NPAS3: variants seen among roughly 807,000 people sequenced by gnomAD.
NPAS3 encodes the protein neuronal PAS domain protein 3.
Under a neutral mutation model 73.1 loss-of-function variants are expected in NPAS3, and 14 were observed. The observed-to-expected ratio is 0.19, with a 90% CI of 0.13 to 0.30. The LOEUF is 0.30. NPAS3 is among the 10% of genes least tolerant of loss of function. The pLI is 1.00. For synonymous variants in NPAS3, 620 were observed against 541.5 expected (o/e 1.14, Z -2.01); for missense variants, 1,096 against 1,250.0 (o/e 0.88, Z 1.86).
intron 5 of NPAS3, among the ~76,000 whole-genome samples, chr14:33,570,532 G>A (rs528501624): frequency 4.6e-5 from 7 of 152,212 alleles, no homozygotes; most frequent in African/African-American, 1.2e-4. Flanking sequence ...TAATTTTTCC[G>A]GCTCATTAAT....
chr14:33,532,546 C>T (rs930514853), intron 4 of NPAS3, among the ~76,000 whole-genome samples: 1 of 152,030 alleles, frequency 6.6e-6, no homozygotes. Flanking sequence ...TTTGTCCAAG[C>T]TCATAGGGCT....
At chr14:33,298,934 G>A (rs1392918204) in intron 3 of NPAS3, among the ~76,000 whole-genome samples, 2 of 152,114 alleles carry the variant, frequency 1.3e-5, no homozygotes, top group African/African-American at 2.4e-5. Flanking sequence ...TTCAAGGACT[G>A]GGGGGCCTGT....
At position 32,966,953 on chromosome 14, in the gene NPAS3, C is replaced by T. The variant is rs116037514; in HGVS notation, c.50+27587C>T. ...ATTACATTAAACTAAAAAGCTTCTG[C>T]ACAGTGAAGGAAACAATCGACAGAG... is the stretch of plus-strand genomic sequence containing the variant. On this transcript the variant is annotated intron_variant, in intron 1 of 11. Coordinates refer to ENST00000356141, the Ensembl canonical transcript of NPAS3. Among the ~76,000 whole-genome samples the T allele has an allele frequency of 2.3e-3, 355 of 152,208 alleles. 9 individuals are homozygous for T. In the South Asian group the frequency reaches 0.041, roughly 18 times the overall value.
At chr14:33,364,632 T>A (rs757845521) in intron 3 of NPAS3, among the ~76,000 whole-genome samples, 26 of 152,092 alleles carry the variant, frequency 1.7e-4, no homozygotes, top group Non-Finnish European at 2.5e-4. Flanking sequence ...ACACTCAGAT[T>A]TCTAGGGGGT....
At chr14:33,112,122 A>G (rs1401686238) in intron 2 of NPAS3, among the ~76,000 whole-genome samples, 8 of 152,178 alleles carry the variant, frequency 5.3e-5, no homozygotes, top group African/African-American at 1.2e-4. Flanking sequence ...TAGTGCTGCA[A>G]TAAACATACG....
intron 3 of NPAS3, among the ~76,000 whole-genome samples, chr14:33,222,524 T>A (rs1057191195): frequency 2.0e-5 from 3 of 152,216 alleles, no homozygotes; most frequent in Non-Finnish European, 2.9e-5. Context: ...AGAGCATTAG[T>A]AATTTCTTTC....
chr14:33,541,096 G>GGGGTGTGT lies in NPAS3; in HGVS notation c.469-19024_469-19023insGGTGTGTG, dbSNP rs1555409250. 9.0e-3 allele frequency among the ~76,000 whole-genome samples: 1,282 copies of GGGGTGTGT among 142,836 alleles called. 15 individuals are homozygous for GGGGTGTGT. Among genetic ancestry groups the GGGGTGTGT allele is most frequent in the African/African-American group, 0.03 (1,081 of 36,526 alleles). 93.7% of individuals were successfully genotyped at this position (142,836 alleles called of 152,430 possible). A position where few individuals can be genotyped will look rare whatever the true frequency, so the allele number is the denominator to read the frequency against. On this transcript the variant is annotated intron_variant, in intron 4 of 11. Coordinates refer to ENST00000356141, the Ensembl canonical transcript of NPAS3. Reference sequence around the variant, plus strand: ...GAACTATTGTTGGGGTATGTTTAGAGGTGTGTGTGTGTGTGTGTGTGTGTG... The same window carrying GGGGTGTGT: ...GAACTATTGTTGGGGTATGTTTAGAGGGGTGTGTGTGTGTGTGTGTGTGTGTGTGTGTG...
chr14:33,612,665 T>G (rs1426755792), intron 5 of NPAS3: 4 of 359,058 alleles, frequency 1.1e-5, no homozygotes, highest in Non-Finnish European at 1.6e-5. Context: ...AAAGATGTTC[T>G]TAATTGTAAA....
At chr14:32,936,975 G>T (rs770971163), upstream of NPAS3, among the ~76,000 whole-genome samples, 15 of 150,942 alleles carry the variant, frequency 9.9e-5, no homozygotes, top group Non-Finnish European at 2.1e-4. Flanking sequence ...AGCCTTTGGG[G>T]TGTATTATTC....
intron 4 of NPAS3, among the ~76,000 whole-genome samples, chr14:33,403,471 C>T (rs754578856): frequency 2.0e-5 from 3 of 151,998 alleles, no homozygotes; most frequent in African/African-American, 7.2e-5. Context: ...AGCAGGAACA[C>T]CTGCTTCTAT....
chr14:32,975,034 A>G (rs796345481), intron 1 of NPAS3, among the ~76,000 whole-genome samples: 39 of 152,320 alleles, frequency 2.6e-4, no homozygotes, highest in African/African-American at 9.1e-4. Context: ...TGTCTATATT[A>G]GTGGATGCTA....
intron 3 of NPAS3, chr14:33,215,693 T>A (rs1299679020): frequency 1.5e-6 from 1 of 653,552 alleles, no homozygotes; most frequent in Non-Finnish European, 2.7e-6. Flanking sequence ...AAATGACACA[T>A]TAAAATGCTT....
chr14:33,460,987 A>G (rs1348979487), intron 4 of NPAS3, among the ~76,000 whole-genome samples: 1 of 152,326 alleles, frequency 6.6e-6, no homozygotes, highest in African/African-American at 2.4e-5. Context: ...TCTTGACAAC[A>G]AGGACATTTT....
At chr14:32,985,659 TAAGAA>T (rs1452980432) in intron 1 of NPAS3, among the ~76,000 whole-genome samples, 1 of 151,916 alleles carries the variant, frequency 6.6e-6, no homozygotes, top group African/African-American at 2.4e-5. Context: ...AACAAACTCA[TAAGAA>T]AAGATACACC....
At chr14:33,374,499 A>C (rs1407516036) in intron 4 of NPAS3, among the ~76,000 whole-genome samples, 1 of 152,108 alleles carries the variant, frequency 6.6e-6, no homozygotes, top group East Asian at 1.9e-4. Context: ...TTTTAAAAAA[A>C]AATCAGGTTG....
At chr14:33,048,808 G>A (rs1467856086) in intron 1 of NPAS3, among the ~76,000 whole-genome samples, 1 of 152,202 alleles carries the variant, frequency 6.6e-6, no homozygotes, top group Non-Finnish European at 1.5e-5. Context: ...ACAATATGGT[G>A]TTCTAACACT....
intron 3 of NPAS3, among the ~76,000 whole-genome samples, chr14:33,300,586 G>A (rs1013095208): frequency 2.0e-5 from 3 of 152,206 alleles, no homozygotes; most frequent in Admixed American, 6.5e-5. Context: ...GAGAAGCTGA[G>A]GGGACCCACA....
chr14:33,390,451 G>A (rs1404099350), intron 4 of NPAS3, among the ~76,000 whole-genome samples: 2 of 152,154 alleles, frequency 1.3e-5, no homozygotes, highest in South Asian at 4.1e-4. Context: ...GAATAATTTA[G>A]CAGTCAATAT....
At chr14:33,498,905 T>G (rs1372252811) in intron 4 of NPAS3, among the ~76,000 whole-genome samples, 1 of 148,690 alleles carries the variant, frequency 6.7e-6, no homozygotes, top group Non-Finnish European at 1.5e-5. Context: ...TGGGCAGTTT[T>G]AAATGAATGA....
Sources: allele counts gnomAD v4.1 joint callset (sites outside exome capture counted in the v4.1 genomes callset), GRCh38; gene constraint gnomAD v4.1.1; transcripts MANE v1.5; gene names NCBI Gene and HGNC (gene_info 2026-07-23, HGNC 2026-07-21).